Variants in CDH26 observed in about 807,000 individuals in gnomAD.
The protein encoded by CDH26 is cadherin 26.
Under a neutral mutation model 90.3 loss-of-function variants are expected in CDH26, and 83 were observed. That is an observed-to-expected ratio of 0.92 (90% CI 0.77 to 1.10). CDH26 has a LOEUF of 1.10. Ranked by LOEUF, CDH26 falls within the 50% of genes least tolerant of loss-of-function variation. CDH26 has a pLI of 0.00. For missense variants in CDH26, 1,013 were observed against 1,037.6 expected, an observed-to-expected ratio of 0.98 and a Z score of 0.33; for synonymous variants, 397 against 396.3, an observed-to-expected ratio of 1.00 and a Z score of -0.02.
At chr20:59,964,742 C>T (rs1202946282) in intron 1 of CDH26, among the ~76,000 whole-genome samples, 1 of 152,200 alleles carries the variant, frequency 6.6e-6, no homozygotes, top group African/African-American at 2.4e-5. Flanking sequence ...TTTTTGAACA[C>T]TTCAGCCAGC....
chr20:60,012,743 A>C lies in CDH26; in HGVS notation c.*13A>C, dbSNP rs562294426. ...TGTTCCTTCCTAAAAAAAAAAGTCT[A>C]TTTTGGAGAATTGAAATAATTCATG... On this transcript the variant is annotated 3_prime_UTR_variant, in exon 18 of 18. Coordinates refer to ENST00000348616, the MANE Select transcript of CDH26 (RefSeq NM_177980.4). 243 of 1,608,468 alleles carry C rather than the reference A, an allele frequency of 1.5e-4. 3 individuals are homozygous for C. In the South Asian group the frequency reaches 2.5e-3, roughly 16 times the overall value.
intron 4 of CDH26, among the ~76,000 whole-genome samples, chr20:59,982,351 G>T (rs2061405032): frequency 6.6e-6 from 1 of 152,112 alleles, no homozygotes; most frequent in South Asian, 2.1e-4. Context: ...ATTTCTTAAG[G>T]TGGAAGCTTA....
intron 7 of CDH26, among the ~76,000 whole-genome samples, chr20:60,028,759 G>C (rs1178120121): frequency 6.6e-6 from 1 of 152,182 alleles, no homozygotes; most frequent in Admixed American, 6.5e-5. Flanking sequence ...CTGCTGCTGT[G>C]ACAAATAATA....
At chr20:60,032,416 T>C (rs12480477) in intron 8 of CDH26, among the ~76,000 whole-genome samples, 8 of 152,214 alleles carry the variant, frequency 5.3e-5, no homozygotes, top group Admixed American at 5.2e-4. Flanking sequence ...ATGTGGTTCC[T>C]CTAGCAATGT....
At chr20:60,034,641 GC>G (rs1371166193), downstream of CDH26, among the ~76,000 whole-genome samples, 1 of 152,222 alleles carries the variant, frequency 6.6e-6, no homozygotes, top group Non-Finnish European at 1.5e-5. Context: ...AGGTCAGCCA[GC>G]CCCCAGCTGC....
chr20:60,031,644 T>C (rs946777903), intron 8 of CDH26, among the ~76,000 whole-genome samples: 1 of 152,228 alleles, frequency 6.6e-6, no homozygotes, highest in African/African-American at 2.4e-5. Context: ...ATTTTGCTGA[T>C]TGGCTTTGTG....
intron 7 of CDH26, among the ~76,000 whole-genome samples, chr20:60,025,248 T>C (rs532624770): frequency 1.3e-5 from 2 of 152,344 alleles, no homozygotes; most frequent in Admixed American, 6.5e-5. Context: ...AAACCACTGA[T>C]GCATAAACGT....
At chr20:59,983,151 C>G in intron 5 of CDH26, 81 bp downstream of exon 5, 2 of 1,482,934 alleles carry the variant, frequency 1.3e-6, no homozygotes, top group African/African-American at 2.8e-5. Context: ...GGAGCTTGAT[C>G]CTAGTCATCT....
chr20:60,031,041 G>GCAC, intron 7 of CDH26, among the ~76,000 whole-genome samples: 1 of 152,182 alleles, frequency 6.6e-6, no homozygotes, highest in Non-Finnish European at 1.5e-5. Flanking sequence ...GTTATTTCTT[G>GCAC]ATGATATGCT....
chr20:60,017,235 G>A (rs1019219663), downstream of CDH26, among the ~76,000 whole-genome samples: 3 of 151,888 alleles, frequency 2.0e-5, no homozygotes, highest in Non-Finnish European at 2.9e-5. Context: ...GAAACCATCC[G>A]GCCCTGAACT....
downstream of CDH26, among the ~76,000 whole-genome samples, chr20:60,018,728 TTTTTTTTTG>T (rs2061927977): frequency 1.3e-5 from 1 of 79,502 alleles, no homozygotes; most frequent in African/African-American, 4.8e-5. Context: ...TTTTTTTTTT[TTTTTTTTTG>T]CAGTTGGGTG....
chr20:59,988,348 G>C (rs558461639), intron 8 of CDH26, among the ~76,000 whole-genome samples: 113 of 152,300 alleles, frequency 7.4e-4, no homozygotes, highest in Admixed American at 5.4e-3. Flanking sequence ...CGACAAGGCA[G>C]ACCTGAGTCA....
intron 17 of CDH26, among the ~76,000 whole-genome samples, chr20:60,010,231 C>G (rs1238397894): frequency 6.6e-6 from 1 of 152,126 alleles, no homozygotes; most frequent in African/African-American, 2.4e-5. Flanking sequence ...CCAGGGGTCC[C>G]ATCAGAATGG....
In CDH26 at chr20:59,987,454, A is replaced by G. The variant is rs535626956; in HGVS notation, c.839A>G (p.Tyr280Cys). 1.4e-5 allele frequency: 23 copies of G among 1,608,438 alleles called. No homozygotes were observed. In the South Asian group the frequency reaches 2.3e-4, roughly 16 times the overall value. The change falls in exon 8 of 18, where the codon TAT becomes TGT. Residue 280 changes from tyrosine to cysteine, a missense_variant and splice_region_variant. Physicochemically the swap from Tyr to Cys is radical, Grantham distance 194 (BLOSUM62 -2). Coordinates refer to ENST00000348616, the MANE Select transcript of CDH26 (RefSeq NM_177980.4). ...NHRPAFTQEN[Y>C]KVQIPEGRAS... ...GGACATGATGATTGCTTCTTTCAGT[A>G]TAAGGTTCAGATTCCTGAAGGCCGA...
intron 1 of CDH26, among the ~76,000 whole-genome samples, chr20:59,961,472 C>A (rs1458318715): frequency 6.6e-6 from 1 of 152,216 alleles, no homozygotes; most frequent in Non-Finnish European, 1.5e-5. Context: ...TTACACCTGG[C>A]AGGTGCTCAA....
chr20:60,012,487 C>A, intron 17 of CDH26, 40 bp from the exon 18 acceptor site: 1 of 1,578,920 alleles, frequency 6.3e-7, no homozygotes, highest in Non-Finnish European at 8.7e-7. Context: ...GGTATGGAAG[C>A]ACATGGCATT....
rs1467059069 is a variant in CDH26 at position 59,989,247 on chromosome 20, G to A, written c.1283+84G>A. On this transcript the variant is annotated intron_variant, in intron 9 of 17. Transcript: ENST00000348616. ...AGGGCTCCTGTTAGAAAACCAGCTCGGCCGGGCGCGGTGGCTCACGCCTGT... is the reference window on the plus strand; with the variant it reads ...AGGGCTCCTGTTAGAAAACCAGCTCAGCCGGGCGCGGTGGCTCACGCCTGT... 6 of 1,557,010 alleles carry A rather than the reference G, an allele frequency of 3.9e-6. No homozygotes were observed. The Admixed American group carries it at 7.0e-5, about 18-fold the overall frequency.
chr20:59,960,283 C>G (rs746084380), intron 1 of CDH26, among the ~76,000 whole-genome samples: 3 of 152,060 alleles, frequency 2.0e-5, no homozygotes, highest in Non-Finnish European at 4.4e-5. Context: ...GAAAATGGAG[C>G]TAGTAACTGA....
Position 59,989,035 on chromosome 20 carries a change from G to A in CDH26, c.1155G>A (p.Val385=). The change falls in exon 9 of 18, where the codon GTG becomes GTA. Residue 385 remains valine (V), a synonymous_variant. Coordinates refer to ENST00000348616, the MANE Select transcript of CDH26 (RefSeq NM_177980.4). The stretch of plus-strand genomic sequence containing the variant: ...CAGCAGCCAGCGCCACTGTGAGTGT[G>A]CAGGTGACAGACGCCAACGACCCAC... The part of the protein sequence containing the change: ...RKAAASATVS[V]QVTDANDPPA... The A allele has an allele frequency of 6.2e-7, 1 of 1,614,226 alleles. No homozygotes were observed. Among genetic ancestry groups the A allele is most frequent in the Non-Finnish European group, 8.5e-7 (1 of 1,180,042 alleles).
Sources: allele counts gnomAD v4.1 joint callset (sites outside exome capture counted in the v4.1 genomes callset), GRCh38; gene constraint gnomAD v4.1.1; transcripts MANE v1.5; gene names NCBI Gene and HGNC (gene_info 2026-07-23, HGNC 2026-07-21).